VWF: variants seen among roughly 807,000 people sequenced by gnomAD.
VWF encodes the protein von Willebrand factor, also known as Factor VIII related antigen.
VWF carries 176 observed loss-of-function variants against 308.6 expected under a neutral mutation model. The ratio of observed to expected loss-of-function variants is 0.57; its 90% CI spans 0.50 to 0.65. The LOEUF (loss-of-function observed/expected upper bound fraction) is 0.65, where lower values mean the gene tolerates loss of function less well. VWF is among the 30% of genes least tolerant of loss of function. VWF has a pLI of 0.00. For missense variants in VWF, 3,146 were observed against 3,648.2 expected (o/e 0.86, Z 3.55); for synonymous variants, 1,385 against 1,443.4 (o/e 0.96, Z 0.92).
chr12:6,118,630 G>GC (rs1945395696), intron 3 of VWF, among the ~76,000 whole-genome samples: 3 of 151,786 alleles, frequency 2.0e-5, no homozygotes, highest in East Asian at 1.9e-4. Flanking sequence ...CAGGTGATCC[G>GC]CCCCCCTCGG....
At chr12:6,061,899 G>A (rs1944658596) in intron 13 of VWF, among the ~76,000 whole-genome samples, 1 of 152,202 alleles carries the variant, frequency 6.6e-6, no homozygotes, top group South Asian at 2.1e-4. Context: ...TGAGAACCCA[G>A]CTGTCTCCTA....
chr12:5,991,887 A>G lies in VWF; in HGVS notation c.6730T>C (p.Leu2244=), dbSNP rs1257761732. Residue 2244 remains leucine (L), a synonymous_variant, in exon 38 of 52, where the codon TTG becomes CTG. Transcript: ENST00000261405. ...TCTTCAGGGACACAGCTGCCTTCCA[A>G]CATGACTTTATCTGGAGGGCAGAAA... ...GCFCPPDKVM[L]EGSCVPEEAC... 3 of 1,614,108 alleles carry G rather than the reference A, an allele frequency of 1.9e-6. No individual in the cohort carries two copies. The highest frequency in any genetic ancestry group is 2.5e-6 in the Non-Finnish European group (3 of 1,180,046).
chr12:5,964,635 G>GA (rs35265805), intron 47 of VWF, among the ~76,000 whole-genome samples: 1,883 of 152,284 alleles, frequency 0.012, 16 homozygotes, highest in Non-Finnish European at 0.022. Context: ...TCAAGGTTAG[G>GA]AGTCAGTAAG....
rs1444987834 is a variant in VWF, at chr12:5,994,053, C to G, written c.6407G>C (p.Ser2136Thr). The G allele has an allele frequency of 1.4e-5, 22 of 1,614,050 alleles. No homozygotes were observed. The highest frequency in any genetic ancestry group is 1.9e-5 in the Non-Finnish European group (22 of 1,180,036). Residue 2136 changes from serine (S) to threonine (T), a missense_variant, in exon 37 of 52, where the codon AGC becomes ACC. Physicochemically the swap from Ser to Thr is moderately conservative, Grantham distance 58. Coordinates refer to ENST00000261405, the MANE Select transcript of VWF (RefSeq NM_000552.5). Reference protein sequence around the residue: ...ILEEQCLVPDSSHCQVLLLPL... With the variant: ...ILEEQCLVPDTSHCQVLLLPL... Reference sequence around the variant, plus strand: ...TAAGAGGAGGACCTGGCAGTGGGAGCTGTCGGGGACAAGACACTGCTCCTC... The same window carrying G: ...TAAGAGGAGGACCTGGCAGTGGGAGGTGTCGGGGACAAGACACTGCTCCTC...
At chr12:6,023,548 C>G in intron 25 of VWF, 83 bp downstream of exon 25, 3 of 1,563,960 alleles carry the variant, frequency 1.9e-6, no homozygotes, top group Non-Finnish European at 2.6e-6. Flanking sequence ...ATGAAGATAT[C>G]CCCCTGCACT....
intron 10 of VWF, among the ~76,000 whole-genome samples, chr12:6,068,817 CTTTT>C (rs748547870): frequency 5.3e-5 from 6 of 113,314 alleles, no homozygotes; most frequent in Admixed American, 8.6e-5. Context: ...CTTTTTCTTC[CTTTT>C]TTTTTTTTTT....
intron 37 of VWF, among the ~76,000 whole-genome samples, chr12:5,992,224 C>T (rs1423818889): frequency 1.3e-5 from 2 of 152,236 alleles, no homozygotes; most frequent in Non-Finnish European, 2.9e-5. Flanking sequence ...TATTTCCCAA[C>T]CTTTCTTGCA....
intron 6 of VWF, among the ~76,000 whole-genome samples, chr12:6,079,805 C>A (rs1017496439): frequency 2.0e-5 from 3 of 152,156 alleles, no homozygotes; most frequent in African/African-American, 2.4e-5. Context: ...CCCTGGCTGA[C>A]AGGGCAAAGC....
At position 5,976,163 on chromosome 12, in the gene VWF, C is replaced by T; in HGVS notation, c.7385G>A (p.Gly2462Asp). ...CTGGGAGCACTGGGCCACGCGGAGG[C>T]CCATCACGGCATCCTCCATGTCGGT... ...TCTDMEDAVM[G>D]LRVAQCSQKP... Residue 2462 changes from glycine to aspartate, a missense_variant, in exon 43 of 52, where the codon GGC (glycine) becomes GAC (aspartate). Gly to Asp is a moderately conservative substitution (Grantham distance 94). Coordinates refer to ENST00000261405, the MANE Select transcript of VWF (RefSeq NM_000552.5). The T allele has an allele frequency of 6.2e-7, 1 of 1,614,128 alleles. No individual in the cohort carries two copies. Among genetic ancestry groups the T allele is most frequent in the Non-Finnish European group, 8.5e-7 (1 of 1,180,052 alleles).
chr12:6,057,311 A>ATTTTTTTTTTTTTTT lies in VWF; in HGVS notation c.1730-254_1730-240dup, dbSNP rs1250165048. Among the ~76,000 whole-genome samples the ATTTTTTTTTTTTTTT allele has an allele frequency of 2.6e-3, 335 of 129,344 alleles. 8 individuals carry two copies. Among genetic ancestry groups the ATTTTTTTTTTTTTTT allele is most frequent in the Non-Finnish European group, 3.3e-3 (204 of 62,008 alleles). The allele number at this position is 129,344 out of a possible 152,430, so 84.9% of individuals were successfully genotyped here. A position where few individuals can be genotyped will look rare whatever the true frequency, so the allele number is the denominator to read the frequency against. ...AAGGTCGAAGGACGGGGACTATGGA[A>ATTTTTTTTTTTTTTT]TTTTTTTTTTTTTTTTTTGGAGAGA... On this transcript the variant is annotated intron_variant, in intron 14 of 51. Coordinates refer to ENST00000261405, the MANE Select transcript of VWF (RefSeq NM_000552.5).
chr12:6,014,954 G>A (rs1944039962), intron 31 of VWF, among the ~76,000 whole-genome samples: 1 of 152,174 alleles, frequency 6.6e-6, no homozygotes, highest in Admixed American at 6.5e-5. Flanking sequence ...TTGGATTCTT[G>A]ATACTGAAGG....
intron 22 of VWF, among the ~76,000 whole-genome samples, chr12:6,026,364 A>G (rs1342230980): frequency 6.6e-6 from 1 of 152,192 alleles, no homozygotes; most frequent in Non-Finnish European, 1.5e-5. Context: ...ACTGGTGGGA[A>G]CTATCACTGT....
rs761184209 is a variant in VWF, at chr12:6,121,160, T to C, written c.220+14A>G. 6.2e-7 allele frequency: 1 copy of C among 1,614,110 alleles called. No homozygotes were observed. The highest frequency in any genetic ancestry group is 1.1e-5 in the South Asian group (1 of 91,078). On this transcript the variant is annotated intron_variant, in intron 3 of 51. Transcript: ENST00000261405. ...CCTCCCTCTGAAGTCCTCCCTGCAG[T>C]GCCCAGAACTCACCAATAATCGAGA... is the stretch of plus-strand genomic sequence containing the variant.
chr12:6,044,236 C>T (rs1245357128), intron 18 of VWF, 55 bp downstream of exon 18: 3 of 1,607,952 alleles, frequency 1.9e-6, no homozygotes, highest in Non-Finnish European at 2.5e-6. Flanking sequence ...CCTCACTCAT[C>T]CCTGCCTACA....
intron 47 of VWF, among the ~76,000 whole-genome samples, chr12:5,961,076 G>C (rs1030717911): frequency 8.5e-5 from 13 of 152,162 alleles, no homozygotes; most frequent in African/African-American, 2.9e-4. Context: ...CAGGTTGCGT[G>C]CTCCTTATGG....
At chr12:6,003,172 AC>A (rs1943890620) in intron 34 of VWF, among the ~76,000 whole-genome samples, 1 of 152,220 alleles carries the variant, frequency 6.6e-6, no homozygotes, top group African/African-American at 2.4e-5. Context: ...ATAAAAAGGA[AC>A]CAAAAAAGTT....
At position 6,031,450 on chromosome 12, in the gene VWF, G is replaced by A. The variant is rs139622018; in HGVS notation, c.2814C>T (p.Asp938=). 249 of 1,614,092 alleles carry A rather than the reference G, an allele frequency of 1.5e-4. 1 individual carries two copies. The African/African-American group carries it at 2.0e-3, about 13-fold the overall frequency. Residue 938 remains aspartate (D), a synonymous_variant, in exon 21 of 52, where the codon GAC becomes GAT. Transcript: ENST00000261405. Reference sequence around the variant, plus strand: ...GAGATGAGGCTGCACTTACCTCCCCGTCAAACAGCTCAATCTCTCCTCCCT... The same window carrying A: ...GAGATGAGGCTGCACTTACCTCCCCATCAAACAGCTCAATCTCTCCTCCCT... The part of the protein sequence containing the change: ...LVEGGEIELF[D]GEVNVKRPMK...
chr12:6,084,840 G>GGAAT (rs981365722), intron 6 of VWF, among the ~76,000 whole-genome samples: 18 of 152,074 alleles, frequency 1.2e-4, no homozygotes, highest in African/African-American at 4.3e-4. Context: ...CCTGCAGCAG[G>GGAAT]GAATACTTTC....
At chr12:5,990,446 C>T (rs1311621401) in intron 38 of VWF, among the ~76,000 whole-genome samples, 1 of 152,142 alleles carries the variant, frequency 6.6e-6, no homozygotes, top group Admixed American at 6.5e-5. Flanking sequence ...AGTGTAGTTA[C>T]TGAAATGTTG....
Sources: gnomAD v4.1 joint callset for allele counts (sites outside exome capture counted in the v4.1 genomes callset) on GRCh38, gnomAD v4.1.1 for gene constraint, MANE v1.5 for transcripts, NCBI Gene and HGNC (gene_info 2026-07-23, HGNC 2026-07-21) for gene names.